The following DYM variants were observed in gnomAD, a reference collection of about 807,000 sequenced individuals.
DYM encodes dymeclin, also known as dyggve-Melchior-Clausen syndrome protein.
In DYM, 78 loss-of-function variants were observed where a neutral mutation model predicts 93.1. The observed-to-expected ratio is 0.84, with a 90% CI of 0.70 to 1.01. The LOEUF is 1.01. DYM is among the 50% of genes least tolerant of loss of function. DYM has a pLI of 0.00. For missense variants in DYM, 789 were observed against 845.0 expected, an observed-to-expected ratio of 0.93 and a Z score of 0.82; for synonymous variants, 321 against 319.7, an observed-to-expected ratio of 1.00 and a Z score of -0.04.
At chr18:49,063,273 G>C (rs968049140) in intron 17 of DYM, among the ~76,000 whole-genome samples, 2 of 150,874 alleles carry the variant, frequency 1.3e-5, no homozygotes, top group Non-Finnish European at 2.9e-5. Flanking sequence ...GCAAGATTAG[G>C]AATTAATCAA....
Position 49,258,845 on chromosome 18 carries a change from G to GACACACAC in DYM, c.1252-353_1252-352insGTGTGTGT, listed in dbSNP as rs1568120256. Among the ~76,000 whole-genome samples, 87 of 47,660 alleles carry GACACACAC rather than the reference G, an allele frequency of 1.8e-3. 4 individuals carry two copies. Among genetic ancestry groups the GACACACAC allele is most frequent in the African/African-American group, 9.2e-3 (81 of 8,814 alleles). 31.3% of individuals were successfully genotyped at this position (47,660 alleles called of 152,430 possible). On this transcript the variant is annotated intron_variant, in intron 11 of 17. Coordinates refer to ENST00000675505, the MANE Select transcript of DYM (RefSeq NM_001353214.3). ...ACAGAGACACACACACACACAGAGA[G>GACACACAC]AGAGAGAGAGAGAGAGAGAGAGAGA...
At chr18:49,255,126 CT>C (rs1200342512) in intron 13 of DYM, among the ~76,000 whole-genome samples, 1 of 152,174 alleles carries the variant, frequency 6.6e-6, no homozygotes, top group East Asian at 1.9e-4. Flanking sequence ...AAACAGACAA[CT>C]TAATTTTGAG....
intron 17 of DYM, among the ~76,000 whole-genome samples, chr18:49,052,296 A>G (rs2075094845): frequency 6.6e-6 from 1 of 152,220 alleles, no homozygotes; most frequent in Non-Finnish European, 1.5e-5. Context: ...CTCCGAATCT[A>G]CCTGTCCATC....
At chr18:49,388,344 A>AT (rs1222138138) in intron 3 of DYM, among the ~76,000 whole-genome samples, 1 of 152,026 alleles carries the variant, frequency 6.6e-6, no homozygotes, top group African/African-American at 2.4e-5. Flanking sequence ...AAAAATAAAA[A>AT]TAAAAAAAAG....
At chr18:49,079,012 T>C (rs1224775315) in intron 17 of DYM, among the ~76,000 whole-genome samples, 3 of 152,252 alleles carry the variant, frequency 2.0e-5, no homozygotes, top group African/African-American at 7.2e-5. Flanking sequence ...TTTTTGTCAT[T>C]GGCTTTCAAC....
intron 15 of DYM, among the ~76,000 whole-genome samples, chr18:49,122,145 G>C (rs2082434557): frequency 1.3e-5 from 2 of 152,114 alleles, no homozygotes; most frequent in Admixed American, 1.3e-4. Context: ...CTATGAATAA[G>C]GCTGATAAGT....
intron 17 of DYM, among the ~76,000 whole-genome samples, chr18:49,091,418 CA>C (rs545724707): frequency 9.9e-5 from 15 of 152,074 alleles, no homozygotes; most frequent in Non-Finnish European, 2.1e-4. Flanking sequence ...TTCATTTGCT[CA>C]TGAGAGTAAA....
At chr18:49,206,648 G>T (rs2092524809) in intron 14 of DYM, 1 of 152,632 alleles carries the variant, frequency 6.6e-6, no homozygotes, top group African/African-American at 2.4e-5. Flanking sequence ...ACTGCAAGTG[G>T]TAAGGCAAGG....
intron 17 of DYM, among the ~76,000 whole-genome samples, chr18:49,057,534 G>T (rs960629569): frequency 6.6e-6 from 1 of 152,206 alleles, no homozygotes. Context: ...TTTGGTAGTG[G>T]CCCAGGAGTC....
Position 49,379,677 on chromosome 18 carries a change from G to A in DYM, c.275C>T (p.Ala92Val). ...LSRTKELKLS[A>V]ECQNHIFIWQ... ...TTAGCCAGCTTACTTCTGACATTCT[G>A]CTGAAAGTTTTAGTTCTTTGGTTCT... The change falls in exon 4 of 18, where the codon GCA becomes GTA. Residue 92 changes from alanine (A) to valine (V), a missense_variant. This residue lies in a region of DYM where 450 missense variants were observed against 436.2 expected (regional missense o/e 1.03). Transcript: ENST00000675505. The A allele has an allele frequency of 6.2e-7, 1 of 1,611,312 alleles. No homozygotes were observed. The highest frequency in any genetic ancestry group is 2.2e-5 in the East Asian group (1 of 44,742).
intron 10 of DYM, among the ~76,000 whole-genome samples, chr18:49,278,316 T>C (rs1420903601): frequency 6.6e-6 from 1 of 152,178 alleles, no homozygotes; most frequent in Non-Finnish European, 1.5e-5. Flanking sequence ...TCTGCGATAT[T>C]GTGCAGGCTC....
At chr18:49,262,721 C>T (rs1165020099) in intron 11 of DYM, among the ~76,000 whole-genome samples, 1 of 152,136 alleles carries the variant, frequency 6.6e-6, no homozygotes, top group Non-Finnish European at 1.5e-5. Context: ...GGTCCACATC[C>T]ATTCTTACTG....
At chr18:49,367,508 A>C (rs918841679) in intron 5 of DYM, among the ~76,000 whole-genome samples, 3 of 152,318 alleles carry the variant, frequency 2.0e-5, no homozygotes, top group South Asian at 4.1e-4. Context: ...AGAAGCAGAG[A>C]ACAGTACAAT....
intron 8 of DYM, among the ~76,000 whole-genome samples, chr18:49,289,750 T>TATACACAC (rs1350515849): frequency 2.4e-5 from 1 of 41,560 alleles, no homozygotes; most frequent in African/African-American, 1.0e-4. Context: ...TATATATATA[T>TATACACAC]ATATATATAT....
intron 8 of DYM, among the ~76,000 whole-genome samples, chr18:49,296,170 C>G (rs1452370663): frequency 6.6e-6 from 1 of 152,188 alleles, no homozygotes. Context: ...CTCAGGTGAT[C>G]TGCCCACCTC....
rs78387446 is a variant in DYM, at chr18:49,357,506, A to G, written c.494+5655T>C. 3.1e-3 allele frequency among the ~76,000 whole-genome samples: 474 copies of G among 152,290 alleles called. 14 individuals are homozygous for G. In the East Asian group the frequency reaches 0.054, roughly 17 times the overall value. On this transcript the variant is annotated intron_variant, in intron 6 of 17. Transcript: ENST00000675505. ...TTCCAGTAGCCCCTTTCTACTACCA[A>G]TGTCAGTAAGACACCCTGTTGTTAC...
intron 3 of DYM, among the ~76,000 whole-genome samples, chr18:49,387,289 T>A (rs943952774): frequency 7.9e-6 from 1 of 125,928 alleles, no homozygotes; most frequent in Non-Finnish European, 1.7e-5. Flanking sequence ...CGTTTGTTTG[T>A]TTTTTGTGAC....
At chr18:49,316,668 T>C (rs534395178) in intron 8 of DYM, among the ~76,000 whole-genome samples, 1 of 152,278 alleles carries the variant, frequency 6.6e-6, no homozygotes, top group African/African-American at 2.4e-5. Context: ...TCATACAGAA[T>C]AGTGTTGCTG....
At chr18:49,210,806 C>G (rs181401892) in intron 13 of DYM, among the ~76,000 whole-genome samples, 1 of 152,154 alleles carries the variant, frequency 6.6e-6, no homozygotes, top group Admixed American at 6.5e-5. Context: ...CAACTCTATA[C>G]TTTCTGATCA....
Sources: gnomAD v4.1 joint callset for allele counts (sites outside exome capture counted in the v4.1 genomes callset) on GRCh38, gnomAD v4.1.1 for gene constraint, gnomAD v4.1.1 regional missense constraint, MANE v1.5 for transcripts, NCBI Gene and HGNC (gene_info 2026-07-23, HGNC 2026-07-21) for gene names.